CSMD1: variants seen among roughly 807,000 people sequenced by gnomAD.
CSMD1 encodes the protein CUB and sushi domain-containing protein 1.
Under a neutral mutation model 417.5 loss-of-function variants are expected in CSMD1, and 213 were observed. That is an observed-to-expected ratio of 0.51 (90% CI 0.46 to 0.57). CSMD1 has a LOEUF of 0.57. Among genes scored for constraint, CSMD1 ranks in the 20% least tolerant of loss-of-function variants. The pLI is 0.00. For missense variants in CSMD1, 6,923 were observed against 4,529.7 expected (o/e 1.53, Z -15.17); for synonymous variants, 2,862 against 1,736.8 (o/e 1.65, Z -16.11).
intron 5 of CSMD1, 100 bp downstream of exon 5, chr8:3,997,803 C>G (rs1258413889): frequency 9.4e-7 from 1 of 1,061,114 alleles, no homozygotes; most frequent in East Asian, 2.6e-5. Flanking sequence ...CACATGCTTG[C>G]CCATGAACGT....
At chr8:4,160,611 G>T (rs7006672) in intron 3 of CSMD1, among the ~76,000 whole-genome samples, 107,303 of 152,122 alleles carry the variant, frequency 0.71, 38,117 homozygotes, top group South Asian at 0.76. Context: ...CACTGTGGAT[G>T]TCCCCACTTT....
chr8:3,750,072 G>T (rs545437769), intron 6 of CSMD1, among the ~76,000 whole-genome samples: 1 of 152,096 alleles, frequency 6.6e-6, no homozygotes, highest in South Asian at 2.1e-4. Flanking sequence ...GGAATTTCAA[G>T]CTGTTTGTTT....
chr8:3,220,431 G>C (rs1798139200), intron 28 of CSMD1, among the ~76,000 whole-genome samples: 1 of 152,198 alleles, frequency 6.6e-6, no homozygotes, highest in Non-Finnish European at 1.5e-5. Flanking sequence ...GGCTGATAGA[G>C]TCTCTGAGCT....
Position 3,907,653 on chromosome 8 carries a change from T to C in CSMD1, c.818+90250A>G, listed in dbSNP as rs144051680. On this transcript the variant is annotated intron_variant, in intron 5 of 69. Coordinates refer to ENST00000635120, the MANE Select transcript of CSMD1 (RefSeq NM_033225.6). ...ATTGATGAGATGCCACCTTTCACTT[T>C]GTATTAGGAAGATTCAGGCAGAGAT... Among the ~76,000 whole-genome samples the C allele has an allele frequency of 2.1e-4, 32 of 152,282 alleles. 1 individual carries two copies. In the East Asian group the frequency reaches 4.8e-3, roughly 23 times the overall value.
intron 5 of CSMD1, among the ~76,000 whole-genome samples, chr8:3,970,918 A>G (rs1029135637): frequency 2.6e-5 from 4 of 151,988 alleles, no homozygotes; most frequent in Admixed American, 6.6e-5. Context: ...TGCTCCGCTA[A>G]TTTTGTATTT....
chr8:4,963,730 C>G (rs775735175), intron 1 of CSMD1, among the ~76,000 whole-genome samples: 1 of 152,142 alleles, frequency 6.6e-6, no homozygotes, highest in Non-Finnish European at 1.5e-5. Flanking sequence ...AATTTTAACA[C>G]TCAACTCAAG....
At chr8:3,392,609 T>A (rs1811417777) in intron 17 of CSMD1, among the ~76,000 whole-genome samples, 2 of 152,150 alleles carry the variant, frequency 1.3e-5, no homozygotes, top group Non-Finnish European at 2.9e-5. Context: ...GGGATCTGCG[T>A]CTGCCTTCAC....
At chr8:3,169,948 C>T (rs1941469525) in intron 37 of CSMD1, among the ~76,000 whole-genome samples, 1 of 152,172 alleles carries the variant, frequency 6.6e-6, no homozygotes, top group Non-Finnish European at 1.5e-5. Flanking sequence ...TCTCTCCCAT[C>T]ACACGCCCAC....
chr8:4,246,446 G>T (rs578162542), intron 3 of CSMD1, among the ~76,000 whole-genome samples: 1 of 152,146 alleles, frequency 6.6e-6, no homozygotes, highest in Non-Finnish European at 1.5e-5. Context: ...CATTTTCTTC[G>T]TATGGTACCT....
intron 57 of CSMD1, among the ~76,000 whole-genome samples, chr8:2,967,932 G>A (rs1229207688): frequency 1.3e-5 from 2 of 152,096 alleles, no homozygotes; most frequent in Admixed American, 1.3e-4. Context: ...TGCACACGCT[G>A]GTGCTTCCTG....
rs111360654 is a variant in CSMD1 at position 3,429,479 on chromosome 8, C to G, written c.1562-19874G>C. Among the ~76,000 whole-genome samples, 939 of 152,230 alleles carry G rather than the reference C, an allele frequency of 6.2e-3. 13 individuals are homozygous for G. Among genetic ancestry groups the G allele is most frequent in the African/African-American group, 0.021 (864 of 41,542 alleles). On this transcript the variant is annotated intron_variant, in intron 12 of 69. Coordinates refer to ENST00000635120, the MANE Select transcript of CSMD1 (RefSeq NM_033225.6). ...ACACTTGTACACAGATGTTCACTGACCTTCATTCTTAAACGCCCCTGCAGG... is the reference window on the plus strand; with the variant it reads ...ACACTTGTACACAGATGTTCACTGAGCTTCATTCTTAAACGCCCCTGCAGG...
intron 5 of CSMD1, among the ~76,000 whole-genome samples, chr8:3,844,396 A>G (rs1803349550): frequency 6.6e-6 from 1 of 152,202 alleles, no homozygotes; most frequent in Admixed American, 6.5e-5. Flanking sequence ...ACTCACCAAC[A>G]AATTATTGAC....
intron 1 of CSMD1, among the ~76,000 whole-genome samples, chr8:4,891,135 C>T (rs1389966437): frequency 6.6e-6 from 1 of 152,084 alleles, no homozygotes; most frequent in East Asian, 1.9e-4. Flanking sequence ...GCTGATGCCA[C>T]GGTATGAACT....
chr8:4,811,927 C>G (rs1248251546), intron 1 of CSMD1, among the ~76,000 whole-genome samples: 1 of 152,044 alleles, frequency 6.6e-6, no homozygotes, highest in Non-Finnish European at 1.5e-5. Flanking sequence ...ATAGAATTTT[C>G]TGATAGGCGC....
chr8:3,968,721 A>G (rs1812863675), intron 5 of CSMD1, among the ~76,000 whole-genome samples: 1 of 152,136 alleles, frequency 6.6e-6, no homozygotes, highest in Non-Finnish European at 1.5e-5. Context: ...GTATTATCTA[A>G]TGTGTAAATA....
At chr8:3,189,857 C>G (rs926887801) in intron 34 of CSMD1, 55 bp downstream of exon 34, 3 of 1,457,842 alleles carry the variant, frequency 2.1e-6, no homozygotes, top group Non-Finnish European at 2.8e-6. Context: ...TGAGAAGTAA[C>G]TCTTTGGCAC....
At chr8:3,922,448 ATTCTG>A (rs1288841565) in intron 5 of CSMD1, among the ~76,000 whole-genome samples, 23 of 152,038 alleles carry the variant, frequency 1.5e-4, no homozygotes, top group Non-Finnish European at 3.2e-4. Context: ...TCATTAATAT[ATTCTG>A]TTCTGTTTCT....
chr8:4,164,320 A>T (rs2131108055), intron 3 of CSMD1, among the ~76,000 whole-genome samples: 1 of 152,310 alleles, frequency 6.6e-6, no homozygotes, highest in East Asian at 1.9e-4. Context: ...ATCTACATTT[A>T]AAAACATATC....
intron 3 of CSMD1, among the ~76,000 whole-genome samples, chr8:4,196,943 T>G (rs1799372957): frequency 6.6e-6 from 1 of 152,248 alleles, no homozygotes; most frequent in Admixed American, 6.5e-5. Context: ...TTGTTTGTTC[T>G]TTGCTCCAAT....
Sources: gnomAD v4.1 joint callset for allele counts (sites outside exome capture counted in the v4.1 genomes callset) on GRCh38, gnomAD v4.1.1 for gene constraint, MANE v1.5 for transcripts, NCBI Gene and HGNC (gene_info 2026-07-23, HGNC 2026-07-21) for gene names.